EGFR: variants seen among roughly 807,000 people sequenced by gnomAD.
EGFR encodes epidermal growth factor receptor.
A neutral mutation model predicts 143.0 loss-of-function variants in EGFR; 58 were observed. That is an observed-to-expected ratio of 0.41 (90% CI 0.33 to 0.50). The LOEUF (loss-of-function observed/expected upper bound fraction) is 0.50, where lower values mean the gene tolerates loss of function less well. Among genes scored for constraint, EGFR ranks in the 20% least tolerant of loss-of-function variants. The pLI, the probability that EGFR is intolerant of heterozygous loss-of-function variation, is 0.39. For missense variants in EGFR, 1,307 were observed against 1,579.0 expected (o/e 0.83, Z 2.92); for synonymous variants, 613 against 594.4 (o/e 1.03, Z -0.45).
chr7:55,164,942 T>C (rs1216815385), intron 14 of EGFR, among the ~76,000 whole-genome samples: 1 of 152,220 alleles, frequency 6.6e-6, no homozygotes, highest in African/African-American at 2.4e-5. Context: ...CAAGAAAGAC[T>C]ATCTGACCAT....
intron 5 of EGFR, 74 bp from the exon 6 acceptor site, chr7:55,152,472 G>A (rs571277669): frequency 3.7e-6 from 5 of 1,351,624 alleles, no homozygotes. Context: ...AAGTCTGCAA[G>A]TGCTCTGCGA....
At chr7:55,083,215 C>T (rs1790560097) in intron 1 of EGFR, among the ~76,000 whole-genome samples, 1 of 152,250 alleles carries the variant, frequency 6.6e-6, no homozygotes, top group African/African-American at 2.4e-5. Context: ...AATTTATGCA[C>T]TCGTTCTTGG....
At chr7:55,147,925 C>T (rs369248876) in intron 4 of EGFR, among the ~76,000 whole-genome samples, 15 of 152,184 alleles carry the variant, frequency 9.9e-5, no homozygotes, top group South Asian at 2.1e-4. Context: ...CAAAATGTCC[C>T]GAAGGTTTAT....
intron 1 of EGFR, among the ~76,000 whole-genome samples, chr7:55,101,248 G>A (rs1161438681): frequency 6.6e-6 from 1 of 152,320 alleles, no homozygotes; most frequent in Non-Finnish European, 1.5e-5. Context: ...CTAAGTCCTC[G>A]TCATTTGTTC....
chr7:55,060,467 A>G (rs1255005801), intron 1 of EGFR, among the ~76,000 whole-genome samples: 1 of 152,216 alleles, frequency 6.6e-6, no homozygotes, highest in Non-Finnish European at 1.5e-5. Flanking sequence ...AGAAAGTATA[A>G]TGAGGCAAAA....
chr7:55,113,525 C>A (rs551850442), intron 1 of EGFR, among the ~76,000 whole-genome samples: 1 of 152,276 alleles, frequency 6.6e-6, no homozygotes, highest in Admixed American at 6.5e-5. Context: ...GTTTTCCCCC[C>A]ACAGACAAGT....
chr7:55,122,357 GCC>G (rs1355703990), intron 1 of EGFR, among the ~76,000 whole-genome samples: 1 of 152,112 alleles, frequency 6.6e-6, no homozygotes, highest in Non-Finnish European at 1.5e-5. Context: ...CCCTCTTACT[GCC>G]CAACCTGCAA....
intron 6 of EGFR, 108 bp downstream of exon 6, chr7:55,152,772 C>A (rs1785225241): frequency 1.1e-6 from 1 of 897,444 alleles, no homozygotes; most frequent in Non-Finnish European, 1.8e-6. Context: ...TAGCATTTGT[C>A]ATAACAGACA....
At chr7:55,120,746 G>T (rs769531826) in intron 1 of EGFR, among the ~76,000 whole-genome samples, 2 of 152,116 alleles carry the variant, frequency 1.3e-5, no homozygotes, top group African/African-American at 2.4e-5. Flanking sequence ...CATAACACTG[G>T]TTTGGAGTGG....
intron 1 of EGFR, among the ~76,000 whole-genome samples, chr7:55,132,185 T>G (rs1284204918): frequency 6.6e-6 from 1 of 152,160 alleles, no homozygotes; most frequent in Non-Finnish European, 1.5e-5. Flanking sequence ...AAGAAAAATT[T>G]TAAAAGAACA....
intron 1 of EGFR, among the ~76,000 whole-genome samples, chr7:55,022,068 G>A (rs1393141399): frequency 6.6e-6 from 1 of 152,156 alleles, no homozygotes; most frequent in East Asian, 1.9e-4. Context: ...CCTGTCTGAA[G>A]CTTCAACGCG....
intron 1 of EGFR, among the ~76,000 whole-genome samples, chr7:55,116,745 A>G (rs1474142839): frequency 6.6e-6 from 1 of 152,230 alleles, no homozygotes; most frequent in Non-Finnish European, 1.5e-5. Flanking sequence ...TTGCTTACAT[A>G]GAATCCTCCA....
intron 1 of EGFR, chr7:55,109,964 A>G (rs1792373422): frequency 2.0e-6 from 2 of 985,152 alleles, no homozygotes; most frequent in South Asian, 4.7e-5. Context: ...ACCAAGTAAG[A>G]AAGTACATGA....
intron 1 of EGFR, among the ~76,000 whole-genome samples, chr7:55,047,873 G>A (rs1244019545): frequency 1.3e-5 from 2 of 152,028 alleles, no homozygotes; most frequent in Non-Finnish European, 2.9e-5. Flanking sequence ...CAACATGTTC[G>A]TAAACTGGGA....
intron 1 of EGFR, among the ~76,000 whole-genome samples, chr7:55,115,897 C>T (rs751214398): frequency 3.3e-5 from 5 of 152,188 alleles, no homozygotes; most frequent in South Asian, 2.1e-4. Context: ...AAGTTTTAAG[C>T]GACCGCAGAT....
intron 27 of EGFR, among the ~76,000 whole-genome samples, chr7:55,204,590 CAT>C (rs546806277): frequency 3.7e-4 from 52 of 138,876 alleles, no homozygotes; most frequent in Non-Finnish European, 5.9e-4. Context: ...ACACACCACA[CAT>C]ACACACACGT....
rs1318320746 is a variant in EGFR at position 55,166,941 on chromosome 7, GTGA to G, written c.1880+1508_1880+1510del. Among the ~76,000 whole-genome samples the G allele has an allele frequency of 9.0e-4, 124 of 138,382 alleles. 10 individuals are homozygous for G. The highest frequency in any genetic ancestry group is 1.6e-3 in the Non-Finnish European group (103 of 64,822). 90.8% of individuals were successfully genotyped at this position (138,382 alleles called of 152,430 possible). A position where few individuals can be genotyped will look rare whatever the true frequency, so the allele number is the denominator to read the frequency against. On this transcript the variant is annotated intron_variant, in intron 15 of 27. Coordinates refer to ENST00000275493, the MANE Select transcript of EGFR (RefSeq NM_005228.5). ...GTTGGTGGTGTTGATGGTGGTGATG[GTGA>G]TGAGGAGGTGGGAGTCACAATGGTG...
At chr7:55,136,671 T>A (rs1794162638) in intron 1 of EGFR, among the ~76,000 whole-genome samples, 1 of 152,234 alleles carries the variant, frequency 6.6e-6, no homozygotes, top group Admixed American at 6.5e-5. Context: ...GCACATTCAA[T>A]GGAAACCATA....
chr7:55,191,973 C>T (rs943346017), intron 21 of EGFR, 99 bp downstream of exon 21: 25 of 1,555,896 alleles, frequency 1.6e-5, no homozygotes, highest in Middle Eastern at 2.1e-4. Flanking sequence ...GGGGAGGATG[C>T]TCTCCAGACA....
Sources: allele counts gnomAD v4.1 joint callset (sites outside exome capture counted in the v4.1 genomes callset), GRCh38; gene constraint gnomAD v4.1.1; transcripts MANE v1.5; gene names NCBI Gene and HGNC (gene_info 2026-07-23, HGNC 2026-07-21).